The following DNAJC13 variants were observed in gnomAD, a reference collection of about 807,000 sequenced individuals.
DNAJC13 encodes the protein dnaJ homolog subfamily C member 13.
DNAJC13 carries 75 observed loss-of-function variants against 290.5 expected under a neutral mutation model. The ratio of observed to expected loss-of-function variants is 0.26; its 90% confidence interval spans 0.21 to 0.31. DNAJC13 has a LOEUF of 0.31. Ranked by LOEUF, DNAJC13 falls within the 10% of genes least tolerant of loss-of-function variation. The pLI, the probability that DNAJC13 is intolerant of heterozygous loss-of-function variation, is 1.00. For missense variants in DNAJC13, 2,260 were observed against 2,674.5 expected, an observed-to-expected ratio of 0.85 and a Z score of 3.42; for synonymous variants, 862 against 892.0, an observed-to-expected ratio of 0.97 and a Z score of 0.60.
chr3:132,492,383 A>G (rs985465769), intron 32 of DNAJC13, 31 bp from the exon 33 acceptor site: 2 of 1,609,020 alleles, frequency 1.2e-6, no homozygotes, highest in African/African-American at 2.7e-5. Flanking sequence ...AATACCTCAT[A>G]AAGCTTGAAT....
intron 1 of DNAJC13, among the ~76,000 whole-genome samples, chr3:132,430,121 A>G (rs1240782101): frequency 6.6e-6 from 1 of 152,056 alleles, no homozygotes; most frequent in African/African-American, 2.4e-5. Flanking sequence ...AATGTGTTAT[A>G]TCTTCTCATA....
At chr3:132,479,126 C>A (rs1362761456) in intron 24 of DNAJC13, 101 bp from the exon 25 acceptor site, 14 of 600,712 alleles carry the variant, frequency 2.3e-5, no homozygotes, top group Non-Finnish European at 3.5e-5. Flanking sequence ...TATAAAATGG[C>A]ATTACTTCTT....
At chr3:132,513,665 G>C (rs886427593) in intron 45 of DNAJC13, among the ~76,000 whole-genome samples, 3 of 152,200 alleles carry the variant, frequency 2.0e-5, no homozygotes, top group African/African-American at 7.2e-5. Flanking sequence ...TGGGTCTTAA[G>C]AGTCCAAGAG....
chr3:132,535,741 C>T (rs922927162), intron 55 of DNAJC13, among the ~76,000 whole-genome samples: 1 of 152,132 alleles, frequency 6.6e-6, no homozygotes, highest in African/African-American at 2.4e-5. Context: ...CTCTGAAGTC[C>T]AGCAGCCTTG....
At chr3:132,460,190 G>A (rs561333651) in intron 13 of DNAJC13, 60 bp from the exon 14 acceptor site, 51 of 1,117,870 alleles carry the variant, frequency 4.6e-5, no homozygotes, top group South Asian at 3.9e-4. Flanking sequence ...TGACTTTTGC[G>A]TGATGCTAGC....
Position 132,434,585 on chromosome 3 carries a change from G to A in DNAJC13, c.35G>A (p.Cys12Tyr). 3 of 1,611,396 alleles carry A rather than the reference G, an allele frequency of 1.9e-6. No individual in the cohort carries two copies. Among genetic ancestry groups the A allele is most frequent in the Non-Finnish European group, 2.5e-6 (3 of 1,179,008 alleles). Residue 12 changes from cysteine to tyrosine, a missense_variant, in exon 2 of 56, where the codon TGT becomes TAT. Around this residue, in one of 3 missense-constraint regions of DNAJC13, gnomAD observed 762 missense variants for 964.1 expected, o/e 0.79. Transcript: ENST00000260818. ...NIIRENKDLA[C>Y]FYTTKHSWRG... ...ATTAGGGAAAATAAGGATCTGGCAT[G>A]TTTCTACACAACAAAACATTCATGG...
Position 132,454,166 on chromosome 3 carries a change from T to A in DNAJC13, c.932+9T>A. ...TATTCTTCAACAGAGAGGTATTTTT[T>A]TTTTTTTAAGTTTTTGAAATCCTAG... is the stretch of plus-strand genomic sequence containing the variant. On this transcript the variant is annotated intron_variant, in intron 9 of 55. Transcript: ENST00000260818. 6.3e-7 allele frequency: 1 copy of A among 1,583,530 alleles called. No individual in the cohort carries two copies. The highest frequency in any genetic ancestry group is 8.6e-7 in the Non-Finnish European group (1 of 1,168,170).
chr3:132,452,907 G>A (rs1199480126), intron 6 of DNAJC13, among the ~76,000 whole-genome samples: 1 of 152,162 alleles, frequency 6.6e-6, no homozygotes, highest in Non-Finnish European at 1.5e-5. Flanking sequence ...GAAGCCTACT[G>A]TGTAAAACAG....
chr3:132,496,752 A>G, intron 36 of DNAJC13, 89 bp downstream of exon 36: 1 of 1,065,228 alleles, frequency 9.4e-7, no homozygotes, highest in South Asian at 3.3e-5. Flanking sequence ...TCTACAGCAT[A>G]TTTAATAGAT....
chr3:132,516,417 T>G lies in DNAJC13; in HGVS notation c.5486-5T>G, dbSNP rs780319081. 5 of 1,613,516 alleles carry G rather than the reference T, an allele frequency of 3.1e-6. No individual in the cohort carries two copies. Among genetic ancestry groups the G allele is most frequent in the Non-Finnish European group, 3.4e-6 (4 of 1,179,688 alleles). ...GCATTCCTTGAAATGTCTTTTACTCTGCAGGTCGTCAGCTTGTTCTGGAAA... is the reference window on the plus strand; with the variant it reads ...GCATTCCTTGAAATGTCTTTTACTCGGCAGGTCGTCAGCTTGTTCTGGAAA... On this transcript the variant is annotated splice_polypyrimidine_tract_variant and splice_region_variant and intron_variant, in intron 46 of 55. Coordinates refer to ENST00000260818, the MANE Select transcript of DNAJC13 (RefSeq NM_015268.4).
chr3:132,469,459 T>G (rs1195828456), intron 20 of DNAJC13, among the ~76,000 whole-genome samples: 2 of 152,242 alleles, frequency 1.3e-5, no homozygotes, highest in Non-Finnish European at 2.9e-5. Flanking sequence ...GGGATTTGTT[T>G]AGCTAGTTAG....
At chr3:132,449,708 T>A (rs545762982) in intron 5 of DNAJC13, among the ~76,000 whole-genome samples, 71 of 152,298 alleles carry the variant, frequency 4.7e-4, no homozygotes, top group Non-Finnish European at 9.0e-4. Flanking sequence ...GATAATTTCT[T>A]ATTTCAGTAT....
intron 5 of DNAJC13, 57 bp from the exon 6 acceptor site, chr3:132,450,590 T>C: frequency 7.5e-7 from 1 of 1,334,084 alleles, no homozygotes; most frequent in Admixed American, 2.0e-5. Flanking sequence ...TACATTAAAT[T>C]TTATTTTATA....
In DNAJC13 at chr3:132,471,850, C is replaced by T. The variant is rs369849429; in HGVS notation, c.2209-1295C>T. On this transcript the variant is annotated intron_variant, in intron 20 of 55. Coordinates refer to ENST00000260818, the MANE Select transcript of DNAJC13 (RefSeq NM_015268.4). Reference sequence around the variant, plus strand: ...ATCACTTCCCAGACGGGGTGGCGGCCGGGCAGAGGCTGCAATCTCGGCACT... The same window carrying T: ...ATCACTTCCCAGACGGGGTGGCGGCTGGGCAGAGGCTGCAATCTCGGCACT... Among the ~76,000 whole-genome samples the T allele has an allele frequency of 1.8e-4, 26 of 146,974 alleles. 1 individual carries two copies. In the South Asian group the frequency reaches 5.2e-3, roughly 30 times the overall value.
At chr3:132,463,853 TC>T (rs1441734152) in intron 17 of DNAJC13, 36 bp downstream of exon 17, 6 of 1,594,544 alleles carry the variant, frequency 3.8e-6, no homozygotes, top group African/African-American at 2.7e-5. Flanking sequence ...CAATTTAACT[TC>T]CTGTCTAGAG....
At chr3:132,466,125 A>G in intron 18 of DNAJC13, 55 bp downstream of exon 18, 4 of 1,484,754 alleles carry the variant, frequency 2.7e-6, no homozygotes, top group Admixed American at 1.7e-5. Context: ...TAATTGAACA[A>G]GTTATCTGTA....
chr3:132,518,032 ATAT>A (rs1035358035), intron 48 of DNAJC13, among the ~76,000 whole-genome samples: 1 of 152,094 alleles, frequency 6.6e-6, no homozygotes, highest in Non-Finnish European at 1.5e-5. Flanking sequence ...GTAATATCTA[ATAT>A]TAGTTATTTT....
intron 55 of DNAJC13, among the ~76,000 whole-genome samples, chr3:132,534,122 G>C (rs1032400404): frequency 2.6e-5 from 4 of 152,164 alleles, no homozygotes; most frequent in Non-Finnish European, 4.4e-5. Context: ...TTCTGTACAG[G>C]TCTGGCCAAA....
chr3:132,471,643 C>T (rs1170737837), intron 20 of DNAJC13, among the ~76,000 whole-genome samples: 4 of 127,964 alleles, frequency 3.1e-5, no homozygotes, highest in African/African-American at 1.2e-4. Context: ...ACATCTCAGA[C>T]GATGGGCGGC....
Sources: allele counts gnomAD v4.1 joint callset (sites outside exome capture counted in the v4.1 genomes callset), GRCh38; gene constraint gnomAD v4.1.1; regional missense constraint gnomAD v4.1.1; transcripts MANE v1.5; gene names NCBI Gene and HGNC (gene_info 2026-07-23, HGNC 2026-07-21).